RAB1A: variants seen among roughly 807,000 people sequenced by gnomAD.
RAB1A encodes RAB1A, member RAS oncogene family.
A neutral mutation model predicts 26.0 loss-of-function variants in RAB1A; 2 were observed. The ratio of observed to expected loss-of-function variants is 0.08; its 90% CI spans 0.03 to 0.24. The LOEUF (loss-of-function observed/expected upper bound fraction) is 0.24, where lower values mean the gene tolerates loss of function less well. Among genes scored for constraint, RAB1A ranks in the 10% least tolerant of loss-of-function variants. RAB1A has a pLI of 1.00. For synonymous variants in RAB1A, 84 were observed against 84.9 expected, an observed-to-expected ratio of 0.99 and a Z score of 0.06; for missense variants, 100 against 247.0, an observed-to-expected ratio of 0.40 and a Z score of 3.99.
intron 1 of RAB1A, among the ~76,000 whole-genome samples, chr2:65,128,941 G>A (rs1670168252): frequency 6.6e-6 from 1 of 152,228 alleles, no homozygotes; most frequent in East Asian, 1.9e-4. Context: ...CATCTGCTGT[G>A]GTGACTTCTT....
chr2:65,098,130 G>GAAA, intron 2 of RAB1A, 64 bp from the exon 3 acceptor site: 11 of 730,922 alleles, frequency 1.5e-5, no homozygotes, highest in Admixed American at 4.4e-5. Flanking sequence ...AGTCTAAGTG[G>GAAA]AAAAAAAAAA....
intron 2 of RAB1A, among the ~76,000 whole-genome samples, chr2:65,103,999 C>CA (rs1669497811): frequency 5.3e-5 from 8 of 152,106 alleles, no homozygotes; most frequent in Non-Finnish European, 1.0e-4. Flanking sequence ...AGGATGGTCT[C>CA]GATCTCTTGA....
At chr2:65,093,444 A>G (rs1232526662) in intron 3 of RAB1A, among the ~76,000 whole-genome samples, 1 of 152,144 alleles carries the variant, frequency 6.6e-6, no homozygotes, top group Non-Finnish European at 1.5e-5. Context: ...ATGTTTTATA[A>G]TCTAATAAAA....
intron 1 of RAB1A, among the ~76,000 whole-genome samples, chr2:65,117,069 C>T (rs1381070374): frequency 6.6e-6 from 1 of 150,416 alleles, no homozygotes; most frequent in African/African-American, 2.5e-5. Context: ...CCCACCCCCA[C>T]CCACCACCAC....
At chr2:65,116,285 G>A (rs970138766) in intron 1 of RAB1A, among the ~76,000 whole-genome samples, 3 of 152,194 alleles carry the variant, frequency 2.0e-5, no homozygotes, top group Non-Finnish European at 1.5e-5. Flanking sequence ...TCTTTAATAT[G>A]CATACAAGTA....
At chr2:65,116,887 T>C (rs974808642) in intron 1 of RAB1A, among the ~76,000 whole-genome samples, 25 of 152,224 alleles carry the variant, frequency 1.6e-4, no homozygotes, top group Non-Finnish European at 2.2e-4. Flanking sequence ...CTCTGCTTCA[T>C]TTGCTTTTCA....
At chr2:65,123,322 C>T (rs1368192695) in intron 1 of RAB1A, among the ~76,000 whole-genome samples, 1 of 151,654 alleles carries the variant, frequency 6.6e-6, no homozygotes, top group Non-Finnish European at 1.5e-5. Flanking sequence ...AGGCGCCTGC[C>T]ACCACGCCCA....
chr2:65,089,330 C>T (rs144584536), intron 4 of RAB1A, among the ~76,000 whole-genome samples: 102 of 152,170 alleles, frequency 6.7e-4, no homozygotes, highest in African/African-American at 2.3e-3. Flanking sequence ...CTCCCGCCTC[C>T]GCCTCCGGGA....
chr2:65,094,519 G>A (rs919856630), intron 3 of RAB1A, among the ~76,000 whole-genome samples: 3 of 151,204 alleles, frequency 2.0e-5, no homozygotes, highest in Non-Finnish European at 4.4e-5. Flanking sequence ...GGGAGGCGGA[G>A]GTTGCAGTGA....
At chr2:65,114,087 GA>G in intron 1 of RAB1A, 1 of 427,548 alleles carries the variant, frequency 2.3e-6, no homozygotes, top group South Asian at 1.8e-5. Context: ...GTTGTAAACA[GA>G]CAGCAATGGC....
At chr2:65,115,023 C>CT (rs1481342883) in intron 1 of RAB1A, among the ~76,000 whole-genome samples, 1 of 152,204 alleles carries the variant, frequency 6.6e-6, no homozygotes, top group East Asian at 1.9e-4. Flanking sequence ...TTCTTGCTCT[C>CT]TGTCTTGACA....
chr2:65,093,671 G>A (rs1455451334), intron 3 of RAB1A, among the ~76,000 whole-genome samples: 5 of 148,658 alleles, frequency 3.4e-5, no homozygotes, highest in East Asian at 3.9e-4. Context: ...TCACCAGGCT[G>A]GAGTGCAATG....
At chr2:65,090,932 A>G in intron 4 of RAB1A, 51 bp downstream of exon 4, 2 of 1,287,246 alleles carry the variant, frequency 1.6e-6, no homozygotes, top group Non-Finnish European at 2.2e-6. Flanking sequence ...CATTAATCAA[A>G]TAATGGCTTC....
chr2:65,097,131 G>A (rs1669307559), intron 3 of RAB1A, among the ~76,000 whole-genome samples: 2 of 152,150 alleles, frequency 1.3e-5, no homozygotes, highest in Admixed American at 1.3e-4. Context: ...TGTGTCATCA[G>A]TTCCATGAAA....
Position 65,129,935 on chromosome 2 carries a change from C to G in RAB1A, c.-20G>C, listed in dbSNP as rs1416535718. On this transcript the variant is annotated 5_prime_UTR_variant, in exon 1 of 6. Transcript: ENST00000409784. ...GGACATGTCACTGCAGCTGCCGCCG[C>G]CGCCACCGCCGCCCTTGCTGCCGCA... 3 of 1,581,602 alleles carry G rather than the reference C, an allele frequency of 1.9e-6. No individual in the cohort carries two copies. The highest frequency in any genetic ancestry group is 2.6e-6 in the Non-Finnish European group (3 of 1,165,506).
At position 65,091,391 on chromosome 2, in the gene RAB1A, G is replaced by A. The variant is rs887593118; in HGVS notation, c.193-313C>T. ...ACTGTGTTTAGGAATGCCACTGGCCGAAAGCCCTTGAACACAGAACTCTTC... is the reference window on the plus strand; with the variant it reads ...ACTGTGTTTAGGAATGCCACTGGCCAAAAGCCCTTGAACACAGAACTCTTC... On this transcript the variant is annotated intron_variant, in intron 3 of 5. Coordinates refer to ENST00000409784, the MANE Select transcript of RAB1A (RefSeq NM_004161.5). Among the ~76,000 whole-genome samples the A allele has an allele frequency of 8.5e-5, 13 of 152,262 alleles. 2 individuals carry two copies. Among genetic ancestry groups the A allele is most frequent in the Middle Eastern group, 3.4e-3 (1 of 294 alleles).
At chr2:65,108,489 T>C (rs759768434) in intron 1 of RAB1A, among the ~76,000 whole-genome samples, 10 of 152,142 alleles carry the variant, frequency 6.6e-5, no homozygotes, top group Non-Finnish European at 1.3e-4. Context: ...TTTTAAGTTT[T>C]ACAAATATAA....
At chr2:65,115,804 G>C (rs1165669463) in intron 1 of RAB1A, among the ~76,000 whole-genome samples, 1 of 152,110 alleles carries the variant, frequency 6.6e-6, no homozygotes, top group Non-Finnish European at 1.5e-5. Flanking sequence ...TTGGTATTTA[G>C]AGACAATAGA....
intron 1 of RAB1A, among the ~76,000 whole-genome samples, chr2:65,107,558 T>G (rs1669590484): frequency 6.6e-6 from 1 of 151,946 alleles, no homozygotes; most frequent in South Asian, 2.1e-4. Context: ...TCGATCTCGA[T>G]TCACTGCAAC....
Sources: allele counts gnomAD v4.1 joint callset (sites outside exome capture counted in the v4.1 genomes callset), GRCh38; gene constraint gnomAD v4.1.1; transcripts MANE v1.5; gene names NCBI Gene and HGNC (gene_info 2026-07-23, HGNC 2026-07-21).